The following MTMR7 variants were observed in gnomAD, a reference collection of about 807,000 sequenced individuals.
MTMR7 encodes the protein myotubularin related protein 7, also known as phosphatidylinositol-3-phosphate phosphatase MTMR7.
Under a neutral mutation model 81.2 loss-of-function variants are expected in MTMR7, and 76 were observed. That is an observed-to-expected ratio of 0.94 (90% CI 0.78 to 1.13). The LOEUF (loss-of-function observed/expected upper bound fraction) is 1.13, where lower values mean the gene tolerates loss of function less well. MTMR7 is among the 50% of genes most tolerant of loss of function. The pLI is 0.00. For synonymous variants in MTMR7, 372 were observed against 289.8 expected (o/e 1.28, Z -2.88); for missense variants, 1,044 against 820.0 (o/e 1.27, Z -3.34).
chr8:17,311,487 G>A (rs1376599806), intron 9 of MTMR7, 24 bp downstream of exon 9: 1 of 1,613,696 alleles, frequency 6.2e-7, no homozygotes, highest in Admixed American at 1.7e-5. Flanking sequence ...CCGCCTGTGG[G>A]AATCGCCCAG....
Position 17,413,298 on chromosome 8 carries a change from G to A in MTMR7, c.-6C>T, listed in dbSNP as rs765618512. On this transcript the variant is annotated 5_prime_UTR_variant, in exon 1 of 14. Transcript: ENST00000180173. ...GGCGTACGGATGTGCTCCATGGCTG[G>A]CCCACGTCTGCAGGGTCCCGGGCGG... 1.6e-5 allele frequency: 24 copies of A among 1,544,992 alleles called. No homozygotes were observed. The highest frequency in any genetic ancestry group is 7.2e-5 in the South Asian group (6 of 83,806).
chr8:17,364,049 AGACG>A (rs1820143678), intron 3 of MTMR7, among the ~76,000 whole-genome samples: 2 of 69,364 alleles, frequency 2.9e-5, no homozygotes, highest in Non-Finnish European at 5.2e-5. Context: ...TTTTTTTTTC[AGACG>A]GAGTCTCGCT....
intron 1 of MTMR7, among the ~76,000 whole-genome samples, chr8:17,402,383 C>T (rs1013009176): frequency 6.6e-6 from 1 of 152,174 alleles, no homozygotes. Context: ...ACAATTGCCA[C>T]TATCCGCCCT....
At chr8:17,301,335 G>A (rs1817097000) in intron 13 of MTMR7, among the ~76,000 whole-genome samples, 1 of 152,164 alleles carries the variant, frequency 6.6e-6, no homozygotes, top group South Asian at 2.1e-4. Context: ...GTTTCAGGGA[G>A]GAAGGAACAT....
rs1290577112 is a variant in MTMR7, at chr8:17,299,626, T to C, written c.*236A>G. On this transcript the variant is annotated 3_prime_UTR_variant, in exon 14 of 14. Coordinates refer to ENST00000180173, the MANE Select transcript of MTMR7 (RefSeq NM_004686.5). Reference sequence around the variant, plus strand: ...TGCAGTGAATATAATTTTCATAGTCTAGGGTGAGCTTCAAAATGGTGAATA... The same window carrying C: ...TGCAGTGAATATAATTTTCATAGTCCAGGGTGAGCTTCAAAATGGTGAATA... 3 of 537,786 alleles carry C rather than the reference T, an allele frequency of 5.6e-6. No individual in the cohort carries two copies. The highest frequency in any genetic ancestry group is 6.5e-5 in the East Asian group (2 of 30,698). The allele number at this position is 537,786 out of a possible 1,614,324, so 33.3% of individuals were successfully genotyped here. A position where few individuals can be genotyped will look rare whatever the true frequency, so the allele number is the denominator to read the frequency against.
intron 1 of MTMR7, among the ~76,000 whole-genome samples, chr8:17,410,243 T>C (rs910583566): frequency 6.6e-5 from 10 of 152,162 alleles, no homozygotes; most frequent in African/African-American, 2.4e-4. Context: ...TTATCACGTA[T>C]TCTATTTCAT....
At chr8:17,368,645 A>C (rs986410313) in intron 3 of MTMR7, among the ~76,000 whole-genome samples, 1 of 152,150 alleles carries the variant, frequency 6.6e-6, no homozygotes, top group Non-Finnish European at 1.5e-5. Context: ...CTGCTTCCAA[A>C]GTTACAGCCT....
chr8:17,310,146 C>T (rs1817702525), intron 9 of MTMR7, among the ~76,000 whole-genome samples: 2 of 151,988 alleles, frequency 1.3e-5, no homozygotes, highest in African/African-American at 4.8e-5. Context: ...CACAGGTGGG[C>T]TCCACCACAC....
chr8:17,399,501 T>C (rs910252420), intron 1 of MTMR7, among the ~76,000 whole-genome samples: 5 of 152,158 alleles, frequency 3.3e-5, no homozygotes, highest in African/African-American at 1.2e-4. Flanking sequence ...AATGGAAAGA[T>C]ATTCCCTGTT....
At chr8:17,343,826 T>C (rs1050626677) in intron 5 of MTMR7, among the ~76,000 whole-genome samples, 1 of 152,246 alleles carries the variant, frequency 6.6e-6, no homozygotes, top group Non-Finnish European at 1.5e-5. Context: ...TTTTCAATTG[T>C]GTGCAGAACA....
In MTMR7 at chr8:17,376,838, T is replaced by A. The variant is rs967020076; in HGVS notation, c.25-3598A>T. 2.0e-5 allele frequency among the ~76,000 whole-genome samples: 3 copies of A among 152,282 alleles called. No individual in the cohort carries two copies. The South Asian group carries it at 6.2e-4, about 32-fold the overall frequency. On this transcript the variant is annotated intron_variant, in intron 1 of 13. Transcript: ENST00000180173. ...TTTTTAAAATCAGAAGTGAAAGTTATGCCTTTTTGATATGTATTTGGATAA... is the reference window on the plus strand; with the variant it reads ...TTTTTAAAATCAGAAGTGAAAGTTAAGCCTTTTTGATATGTATTTGGATAA...
intron 1 of MTMR7, among the ~76,000 whole-genome samples, chr8:17,384,382 G>A (rs902992317): frequency 3.9e-5 from 6 of 152,126 alleles, no homozygotes; most frequent in African/African-American, 1.4e-4. Context: ...CTGCCTTCCA[G>A]CCTGGATGAC....
rs1169362896 is a variant in MTMR7 at position 17,373,104 on chromosome 8, TAAAG to T, written c.147+10_147+13del. 3.7e-6 allele frequency: 6 copies of T among 1,610,146 alleles called. No individual in the cohort carries two copies. Among genetic ancestry groups the T allele is most frequent in the South Asian group, 1.1e-5 (1 of 89,986 alleles). On this transcript the variant is annotated intron_variant, in intron 2 of 13. Coordinates refer to ENST00000180173, the MANE Select transcript of MTMR7 (RefSeq NM_004686.5). Reference sequence around the variant, plus strand: ...AACGCAAAACAAGGAAAGCTAAAAATAAAGAAAGCATACCCATGTTTCTTTTCTT... The same window carrying T: ...AACGCAAAACAAGGAAAGCTAAAAATAAAGCATACCCATGTTTCTTTTCTT...
chr8:17,395,925 A>G (rs1246980372), intron 1 of MTMR7, among the ~76,000 whole-genome samples: 2 of 152,226 alleles, frequency 1.3e-5, no homozygotes, highest in Non-Finnish European at 2.9e-5. Context: ...TAAATACAAC[A>G]TTCTTCTCAT....
chr8:17,321,521 C>T (rs1818388020), intron 7 of MTMR7, among the ~76,000 whole-genome samples: 1 of 152,148 alleles, frequency 6.6e-6, no homozygotes, highest in South Asian at 2.1e-4. Flanking sequence ...GTGTGAAAAG[C>T]AAAGAGGTCT....
chr8:17,377,457 G>T (rs1257248327), intron 1 of MTMR7, among the ~76,000 whole-genome samples: 3 of 151,892 alleles, frequency 2.0e-5, no homozygotes, highest in Admixed American at 6.6e-5. Flanking sequence ...GATTAGACAG[G>T]CAAAGGTTTT....
chr8:17,355,479 G>A (rs1441498024), intron 4 of MTMR7, among the ~76,000 whole-genome samples: 1 of 151,806 alleles, frequency 6.6e-6, no homozygotes, highest in Non-Finnish European at 1.5e-5. Context: ...AGATTATAAA[G>A]CCATAATAAT....
At chr8:17,332,501 A>AC (rs1819054654) in intron 6 of MTMR7, among the ~76,000 whole-genome samples, 1 of 152,224 alleles carries the variant, frequency 6.6e-6, no homozygotes, top group African/African-American at 2.4e-5. Flanking sequence ...CAGATCACAC[A>AC]GCAGACAGAC....
intron 2 of MTMR7, among the ~76,000 whole-genome samples, chr8:17,371,737 T>G (rs544289110): frequency 1.5e-4 from 23 of 152,254 alleles, no homozygotes; most frequent in Admixed American, 3.9e-4. Flanking sequence ...ATTAATATTT[T>G]TATTGCAAAT....
Sources: allele counts gnomAD v4.1 joint callset (sites outside exome capture counted in the v4.1 genomes callset), GRCh38; gene constraint gnomAD v4.1.1; transcripts MANE v1.5; gene names NCBI Gene and HGNC (gene_info 2026-07-23, HGNC 2026-07-21).